The following KCNQ1 variants were observed in gnomAD, a reference collection of about 807,000 sequenced individuals.
KCNQ1 encodes potassium voltage-gated channel subfamily Q member 1.
A neutral mutation model predicts 72.4 loss-of-function variants in KCNQ1; 49 were observed. The ratio of observed to expected loss-of-function variants is 0.68; its 90% CI spans 0.54 to 0.86. KCNQ1 has a LOEUF of 0.86. KCNQ1 is among the 40% of genes least tolerant of loss of function. KCNQ1 has a pLI of 0.00. For synonymous variants in KCNQ1, 450 were observed against 412.6 expected, an observed-to-expected ratio of 1.09 and a Z score of -1.10; for missense variants, 790 against 945.1, an observed-to-expected ratio of 0.84 and a Z score of 2.15.
At chr11:2,518,979 G>A (rs1004780375) in intron 1 of KCNQ1, among the ~76,000 whole-genome samples, 2 of 152,174 alleles carry the variant, frequency 1.3e-5, no homozygotes, top group Admixed American at 6.5e-5. Context: ...TCACATCCAC[G>A]CTCCTTCTGT....
intron 1 of KCNQ1, among the ~76,000 whole-genome samples, chr11:2,449,430 G>A (rs773445881): frequency 3.9e-5 from 6 of 152,218 alleles, no homozygotes; most frequent in South Asian, 2.1e-4. Flanking sequence ...CCTGGGTACC[G>A]ATGGGATGAA....
rs1470664660 is a variant in KCNQ1 at position 2,808,736 on chromosome 11, C to T, written c.1794+30699C>T. Among the ~76,000 whole-genome samples, 2 of 152,080 alleles carry T rather than the reference C, an allele frequency of 1.3e-5. No homozygotes were observed. Among genetic ancestry groups the T allele is most frequent in the Non-Finnish European group, 2.9e-5 (2 of 68,006 alleles). On this transcript the variant is annotated intron_variant, in intron 15 of 15. Transcript: ENST00000155840. This position sits in a 1 kb window ranked among gnomAD's most constrained non-coding sequence, Gnocchi z 6.0. ...GATACCCCTTGTTATCCTAGAAATACCCATCCTTAGTGTGAGGAGAGCAGC... is the reference window on the plus strand; with the variant it reads ...GATACCCCTTGTTATCCTAGAAATATCCATCCTTAGTGTGAGGAGAGCAGC...
chr11:2,618,141 T>C (rs1849099880), intron 10 of KCNQ1: 5 of 398,430 alleles, frequency 1.3e-5, no homozygotes, highest in Non-Finnish European at 2.2e-5. Flanking sequence ...TTTCTTCTGG[T>C]TGTGGGTTTT....
chr11:2,588,802 C>A lies in KCNQ1; in HGVS notation c.1341C>A (p.Pro447=). ...MLTVPHITCD[P]PEERRLDHFS... is the part of the protein sequence containing the mutation. The stretch of plus-strand genomic sequence containing the variant: ...CAGTCCCCCATATCACGTGCGACCC[C>A]CCAGAAGAGCGGCGGCTGGACCACT... Residue 447 remains proline (P), a synonymous_variant, in exon 10 of 16, where the codon CCC becomes CCA. Coordinates refer to ENST00000155840, the MANE Select transcript of KCNQ1 (RefSeq NM_000218.3). This position sits in a 1 kb window ranked among gnomAD's most constrained non-coding sequence, Gnocchi z 5.6. The A allele has an allele frequency of 6.2e-7, 1 of 1,613,496 alleles. No homozygotes were observed. Among genetic ancestry groups the A allele is most frequent in the South Asian group, 1.1e-5 (1 of 91,002 alleles).
intron 11 of KCNQ1, chr11:2,688,175 C>T (rs892275194): frequency 4.5e-5 from 18 of 398,668 alleles, no homozygotes; most frequent in Non-Finnish European, 7.1e-5. Flanking sequence ...CTGCAGACAG[C>T]TCCCAAGCAA....
intron 15 of KCNQ1, among the ~76,000 whole-genome samples, chr11:2,837,213 G>A (rs1315012847): frequency 6.6e-6 from 1 of 152,180 alleles, no homozygotes. Flanking sequence ...AGCGCCCGGG[G>A]AGAGGCCTGG....
chr11:2,688,623 G>A (rs1277731373), intron 11 of KCNQ1: 3 of 398,632 alleles, frequency 7.5e-6, no homozygotes, highest in African/African-American at 6.2e-5. Context: ...CTGTGCCTGG[G>A]TGAGCTCTGG....
chr11:2,717,830 C>G (rs1455651135), intron 11 of KCNQ1, among the ~76,000 whole-genome samples: 1 of 152,164 alleles, frequency 6.6e-6, no homozygotes, highest in Non-Finnish European at 1.5e-5. Context: ...CTGTCCAAGA[C>G]CTTGGGCCAG....
intron 2 of KCNQ1, among the ~76,000 whole-genome samples, chr11:2,561,579 C>T (rs965581033): frequency 2.1e-4 from 32 of 152,238 alleles, no homozygotes; most frequent in African/African-American, 7.2e-4. Flanking sequence ...ATGCTGAGCA[C>T]AGAGAGGCTG....
In KCNQ1 at chr11:2,446,373, G is replaced by A. The variant is rs1325422377; in HGVS notation, c.386+889G>A. ...TTGGTGTGGTGCCAGCCTCTGGCCT[G>A]GGAGCCTCTACCCAGACATCCCATG... On this transcript the variant is annotated intron_variant, in intron 1 of 15. Coordinates refer to ENST00000155840, the MANE Select transcript of KCNQ1 (RefSeq NM_000218.3). This position sits in a 1 kb window ranked among gnomAD's most constrained non-coding sequence, Gnocchi z 8.8. Among the ~76,000 whole-genome samples, 1 of 152,182 alleles carries A rather than the reference G, an allele frequency of 6.6e-6. No individual in the cohort carries two copies. Among genetic ancestry groups the A allele is most frequent in the Non-Finnish European group, 1.5e-5 (1 of 68,012 alleles).
At position 2,468,565 on chromosome 11, in the gene KCNQ1, A is replaced by G. The variant is rs553228844; in HGVS notation, c.386+23081A>G. Among the ~76,000 whole-genome samples the G allele has an allele frequency of 3.3e-5, 5 of 152,256 alleles. No homozygotes were observed. The highest frequency in any genetic ancestry group is 4.1e-4 in the South Asian group (2 of 4,826). On this transcript the variant is annotated intron_variant, in intron 1 of 15. Transcript: ENST00000155840. This position sits in a 1 kb window ranked among gnomAD's most constrained non-coding sequence, Gnocchi z 5.7. Reference sequence around the variant, plus strand: ...CAGCATCAGCAGAGTGGGCACACCCATCACCCTCACAGCGTCCCCCTGTCC... The same window carrying G: ...CAGCATCAGCAGAGTGGGCACACCCGTCACCCTCACAGCGTCCCCCTGTCC...
intron 1 of KCNQ1, among the ~76,000 whole-genome samples, chr11:2,504,936 A>G (rs1163354789): frequency 1.3e-5 from 2 of 152,172 alleles, no homozygotes; most frequent in Non-Finnish European, 2.9e-5. Flanking sequence ...AGCAAAAAGA[A>G]AAAGAGCTTA....
rs1013006361 is a variant in KCNQ1 at position 2,450,481 on chromosome 11, G to T, written c.386+4997G>T. Among the ~76,000 whole-genome samples the T allele has an allele frequency of 6.6e-6, 1 of 152,166 alleles. No homozygotes were observed. The highest frequency in any genetic ancestry group is 1.5e-5 in the Non-Finnish European group (1 of 68,034). On this transcript the variant is annotated intron_variant, in intron 1 of 15. Transcript: ENST00000155840. The surrounding 1 kb of genome is among the most constrained non-coding windows in gnomAD (Gnocchi z 7.9). ...AGACCCCAAGGATTTGGTTACAGAG[G>T]GGAGGGCGGCAGCGTCTGGCTTCAC...
rs1035697142 is a variant in KCNQ1 at position 2,848,346 on chromosome 11, G to A, written c.*343G>A. On this transcript the variant is annotated 3_prime_UTR_variant, in exon 16 of 16. Coordinates refer to ENST00000155840, the MANE Select transcript of KCNQ1 (RefSeq NM_000218.3). ...CATGTATGGCCAGGAAGTAGCACAG[G>A]CTGAGTGCAGGCCCACCCTGCTTGG... The A allele has an allele frequency of 3.6e-6, 2 of 559,152 alleles. No individual in the cohort carries two copies. Among genetic ancestry groups the A allele is most frequent in the Non-Finnish European group, 6.8e-6 (2 of 294,144 alleles). The allele number at this position is 559,152 out of a possible 1,614,324, so 34.6% of individuals were successfully genotyped here. A position where few individuals can be genotyped will look rare whatever the true frequency, so the allele number is the denominator to read the frequency against.
chr11:2,839,700 TTTG>T (rs1848162050), intron 15 of KCNQ1: 1 of 152,182 alleles, frequency 6.6e-6, no homozygotes, highest in Non-Finnish European at 1.5e-5. Context: ...TGGTGCGGAC[TTTG>T]TTGTTTGCTC....
At chr11:2,453,495 C>T (rs1049853126) in intron 1 of KCNQ1, among the ~76,000 whole-genome samples, 2 of 152,202 alleles carry the variant, frequency 1.3e-5, no homozygotes, top group African/African-American at 4.8e-5. Context: ...AGAAAACCCA[C>T]AGCCAGCAGG....
chr11:2,673,441 G>A lies in KCNQ1; in HGVS notation c.1514+11360G>A, dbSNP rs1010174373. 1.3e-5 allele frequency: 5 copies of A among 398,598 alleles called. No individual in the cohort carries two copies. The highest frequency in any genetic ancestry group is 3.6e-5 in the East Asian group (1 of 28,096). 24.7% of individuals were successfully genotyped at this position (398,598 alleles called of 1,614,324 possible). Reference sequence around the variant, plus strand: ...CCAGGCCTGGAGGTTCCAACTTGGTGTTGGGCCTCCTTGAGCCGGAACACC... The same window carrying A: ...CCAGGCCTGGAGGTTCCAACTTGGTATTGGGCCTCCTTGAGCCGGAACACC... On this transcript the variant is annotated intron_variant, in intron 11 of 15. Coordinates refer to ENST00000155840, the MANE Select transcript of KCNQ1 (RefSeq NM_000218.3). The surrounding 1 kb of genome is among the most constrained non-coding windows in gnomAD (Gnocchi z 4.5).
At chr11:2,834,438 C>A (rs1026803416) in intron 15 of KCNQ1, among the ~76,000 whole-genome samples, 1 of 152,162 alleles carries the variant, frequency 6.6e-6, no homozygotes, top group Non-Finnish European at 1.5e-5. Context: ...CATCACACCT[C>A]GCCCTCAAGG....
chr11:2,739,389 T>C (rs1318645814), intron 11 of KCNQ1, among the ~76,000 whole-genome samples: 1 of 152,202 alleles, frequency 6.6e-6, no homozygotes, highest in African/African-American at 2.4e-5. Context: ...TTCTGCCCTA[T>C]CTGTGGTTCC....
Sources: allele counts gnomAD v4.1 joint callset (sites outside exome capture counted in the v4.1 genomes callset), GRCh38; gene constraint gnomAD v4.1.1; non-coding constraint Gnocchi (gnomAD v3.1); transcripts MANE v1.5; gene names NCBI Gene and HGNC (gene_info 2026-07-23, HGNC 2026-07-21).